The following ELFN1 variants were observed in gnomAD, a reference collection of about 807,000 sequenced individuals.
ELFN1 encodes the protein extracellular leucine rich repeat and fibronectin type III domain containing 1, also known as protein ELFN1.
Under a neutral mutation model 7.6 loss-of-function variants are expected in ELFN1, and 6 were observed. The observed-to-expected ratio is 0.79, with a 90% CI of 0.43 to 1.56. The LOEUF is 1.56. ELFN1 is among the 40% of genes most tolerant of loss of function. The pLI, the probability that ELFN1 is intolerant of heterozygous loss-of-function variation, is 0.01. For synonymous variants in ELFN1, 657 were observed against 588.1 expected (o/e 1.12, Z -1.70); for missense variants, 1,169 against 1,232.2 (o/e 0.95, Z 0.77).
intron 3 of ELFN1, among the ~76,000 whole-genome samples, chr7:1,713,953 G>A (rs994297560): frequency 4.6e-5 from 7 of 152,106 alleles, no homozygotes; most frequent in African/African-American, 1.7e-4. Flanking sequence ...TGGCTGGCAT[G>A]TTGAGCCGCC....
At chr7:1,676,645 C>G (rs965159263) in intron 1 of ELFN1, among the ~76,000 whole-genome samples, 1 of 152,248 alleles carries the variant, frequency 6.6e-6, no homozygotes. Flanking sequence ...GTCCCTGCGT[C>G]CCTCTGTGCC....
At chr7:1,709,389 G>GTTT (rs929983668) in intron 3 of ELFN1, 137 bp downstream of exon 3, 26 of 152,420 alleles carry the variant, frequency 1.7e-4, no homozygotes, top group African/African-American at 6.0e-4. Flanking sequence ...AGAAATAAGC[G>GTTT]TTTCTTAGGG....
chr7:1,711,403 TCCAGAGG>T (rs1483393120), intron 3 of ELFN1, among the ~76,000 whole-genome samples: 1 of 150,986 alleles, frequency 6.6e-6, no homozygotes, highest in Non-Finnish European at 1.5e-5. Context: ...GCCCCAAACA[TCCAGAGG>T]CCAGAGGAGG....
At chr7:1,681,909 C>A (rs928414367) in intron 1 of ELFN1, among the ~76,000 whole-genome samples, 1 of 152,150 alleles carries the variant, frequency 6.6e-6, no homozygotes, top group Non-Finnish European at 1.5e-5. Context: ...GATAAAATGT[C>A]TATTCAAATC....
chr7:1,716,204 C>T (rs529901854), intron 3 of ELFN1, among the ~76,000 whole-genome samples: 3 of 152,238 alleles, frequency 2.0e-5, no homozygotes, highest in Non-Finnish European at 4.4e-5. Context: ...GTTCTGCCCA[C>T]CCTGAGGTCC....
At chr7:1,717,656 T>G (rs1322053835) in intron 3 of ELFN1, among the ~76,000 whole-genome samples, 2 of 151,648 alleles carry the variant, frequency 1.3e-5, no homozygotes, top group Non-Finnish European at 2.9e-5. Context: ...CAGATCAGAG[T>G]GGCCTTCTAG....
intron 3 of ELFN1, among the ~76,000 whole-genome samples, chr7:1,742,640 C>G (rs1346128401): frequency 6.6e-6 from 1 of 152,212 alleles, no homozygotes; most frequent in Non-Finnish European, 1.5e-5. Flanking sequence ...TTGAGTGGGC[C>G]TAGCCAGGTC....
intron 1 of ELFN1, among the ~76,000 whole-genome samples, chr7:1,679,885 A>G (rs974232842): frequency 2.6e-5 from 4 of 152,164 alleles, no homozygotes; most frequent in Non-Finnish European, 5.9e-5. Context: ...TGTCCTGTCC[A>G]CCACAGGGCC....
At chr7:1,723,555 C>T (rs1780090214) in intron 3 of ELFN1, among the ~76,000 whole-genome samples, 3 of 152,226 alleles carry the variant, frequency 2.0e-5, no homozygotes. Flanking sequence ...GGTTCTGGTC[C>T]ACTCTCTCAT....
chr7:1,671,391 A>G (rs1778763912), intron 1 of ELFN1, among the ~76,000 whole-genome samples: 1 of 152,218 alleles, frequency 6.6e-6, no homozygotes, highest in Admixed American at 6.5e-5. Context: ...CCGTGCCAGC[A>G]CTTTCCCTTC....
chr7:1,673,299 T>G lies in ELFN1; in HGVS notation c.-549+2945T>G, dbSNP rs1778804344. 6.6e-6 allele frequency among the ~76,000 whole-genome samples: 1 copy of G among 151,228 alleles called. No homozygotes were observed. The highest frequency in any genetic ancestry group is 2.4e-5 in the African/African-American group (1 of 41,098). On this transcript the variant is annotated intron_variant, in intron 1 of 3. Transcript: ENST00000424383. The surrounding 1 kb of genome is among the most constrained non-coding windows in gnomAD (Gnocchi z 4.7). ...GGGGCCGGAGAGGGTGGTGGAGGGG[T>G]CCTATGTCTGGCGTCTGTGTCCTGT...
upstream of ELFN1, among the ~76,000 whole-genome samples, chr7:1,669,697 G>A (rs1341369074): frequency 6.6e-6 from 1 of 152,256 alleles, no homozygotes; most frequent in Non-Finnish European, 1.5e-5. Context: ...AGCGGGGCCA[G>A]GGCTGGGCAG....
In ELFN1 at chr7:1,744,785, G is replaced by A. The variant is rs778549064; in HGVS notation, c.189G>A (p.Val63=). Reference sequence around the variant, plus strand: ...CACAGCAGATCAACAGCACCATCGTGGACCTGCGGCTCAACGAGAACCGTA... The same window carrying A: ...CACAGCAGATCAACAGCACCATCGTAGACCTGCGGCTCAACGAGAACCGTA... ...AIPQQINSTI[V]DLRLNENRIR... is the part of the protein sequence containing the mutation. Residue 63 remains valine (V), a synonymous_variant, in exon 4 of 4, where the codon GTG becomes GTA. Transcript: ENST00000424383. 2.9e-5 allele frequency: 45 copies of A among 1,556,148 alleles called. No homozygotes were observed. The highest frequency in any genetic ancestry group is 3.6e-5 in the Non-Finnish European group (41 of 1,149,436).
intron 2 of ELFN1, among the ~76,000 whole-genome samples, chr7:1,707,243 C>A (rs956698518): frequency 1.3e-5 from 2 of 152,240 alleles, no homozygotes; most frequent in Non-Finnish European, 2.9e-5. Context: ...GATGGCTTTG[C>A]TGGAAAGTCC....
chr7:1,671,328 A>G (rs1043985193), intron 1 of ELFN1, among the ~76,000 whole-genome samples: 1 of 152,202 alleles, frequency 6.6e-6, no homozygotes, highest in African/African-American at 2.4e-5. Flanking sequence ...ACGAAGGCTT[A>G]GCAGAAAGGG....
At chr7:1,698,556 G>T (rs535671628) in intron 2 of ELFN1, among the ~76,000 whole-genome samples, 4 of 152,136 alleles carry the variant, frequency 2.6e-5, no homozygotes, top group Admixed American at 2.6e-4. Context: ...TTTTCTGGGG[G>T]CCTGGCATTT....
Position 1,744,819 on chromosome 7 carries a change from G to C in ELFN1, c.223G>C (p.Val75Leu). The C allele has an allele frequency of 6.4e-7, 1 of 1,567,524 alleles. No homozygotes were observed. Among genetic ancestry groups the C allele is most frequent in the Non-Finnish European group, 8.7e-7 (1 of 1,155,428 alleles). ...GCTCAACGAGAACCGTATCCGCAGC[G>C]TGCAGTACGCCTCGCTCAGCCGCTT... ...LRLNENRIRSVQYASLSRFGN... is the reference protein window; with the variant it reads ...LRLNENRIRSLQYASLSRFGN... Residue 75 changes from valine to leucine, a missense_variant, in exon 4 of 4, where the codon GTG becomes CTG. Val to Leu is a conservative substitution (Grantham distance 32). Transcript: ENST00000424383.
At chr7:1,701,517 T>C (rs1335678070) in intron 2 of ELFN1, among the ~76,000 whole-genome samples, 1 of 152,226 alleles carries the variant, frequency 6.6e-6, no homozygotes, top group Non-Finnish European at 1.5e-5. Context: ...CAGTCATCAA[T>C]ATATTTTTCT....
intron 3 of ELFN1, among the ~76,000 whole-genome samples, chr7:1,733,609 C>T (rs533653974): frequency 2.6e-5 from 4 of 152,268 alleles, no homozygotes; most frequent in South Asian, 4.2e-4. Context: ...ATCCCAGCCC[C>T]GTCCCAGCCC....
Sources: allele counts gnomAD v4.1 joint callset (sites outside exome capture counted in the v4.1 genomes callset), GRCh38; gene constraint gnomAD v4.1.1; non-coding constraint Gnocchi (gnomAD v3.1); transcripts MANE v1.5; gene names NCBI Gene and HGNC (gene_info 2026-07-23, HGNC 2026-07-21).